The following PLPPR2 variants were observed in gnomAD, a reference collection of about 807,000 sequenced individuals.
PLPPR2 encodes phospholipid phosphatase-related protein type 2.
In PLPPR2, 11 loss-of-function variants were observed where a neutral mutation model predicts 40.3. The observed-to-expected ratio is 0.27, with a 90% CI of 0.17 to 0.45. PLPPR2 has a LOEUF of 0.45. PLPPR2 is among the 20% of genes least tolerant of loss of function. The pLI, the probability that PLPPR2 is intolerant of heterozygous loss-of-function variation, is 1.00. For synonymous variants in PLPPR2, 260 were observed against 290.8 expected (o/e 0.89, Z 1.08); for missense variants, 497 against 640.7 (o/e 0.78, Z 2.42).
rs1314418001 is a variant in PLPPR2 at position 11,363,243 on chromosome 19, C to G, written c.841-470C>G. Reference sequence around the variant, plus strand: ...TTGCAGTGAACTGAGATCGTGCCACCTCACTCCAGCCTGGGTGAAAGAGCG... The same window carrying G: ...TTGCAGTGAACTGAGATCGTGCCACGTCACTCCAGCCTGGGTGAAAGAGCG... On this transcript the variant is annotated intron_variant, in intron 7 of 9. Transcript: ENST00000688289. The surrounding 1 kb of genome is among the most constrained non-coding windows in gnomAD (Gnocchi z 4.8). Among the ~76,000 whole-genome samples, 1 of 150,486 alleles carries G rather than the reference C, an allele frequency of 6.6e-6. No individual in the cohort carries two copies. The highest frequency in any genetic ancestry group is 6.6e-5 in the Admixed American group (1 of 15,048).
At position 11,357,679 on chromosome 19, in the gene PLPPR2, G is replaced by A. The variant is rs749785646; in HGVS notation, c.6G>A (p.Ala2=). 7.5e-6 allele frequency: 12 copies of A among 1,606,394 alleles called. No homozygotes were observed. Among genetic ancestry groups the A allele is most frequent in the Admixed American group, 1.7e-5 (1 of 59,072 alleles). Residue 2 remains alanine, a synonymous_variant, in exon 3 of 10, where the codon GCG becomes GCA. Transcript: ENST00000688289. Reference sequence around the variant, plus strand: ...CTGCAGGCCTGGCCTTCACCATGGCGGGAGGGAGACCGCATCTGAAGAGGA... The same window carrying A: ...CTGCAGGCCTGGCCTTCACCATGGCAGGAGGGAGACCGCATCTGAAGAGGA... M[A]GGRPHLKRSF...
Position 11,364,307 on chromosome 19 carries a change from G to C in PLPPR2, c.1016-40G>C. On this transcript the variant is annotated intron_variant, in intron 9 of 9. Coordinates refer to ENST00000688289, the MANE Select transcript of PLPPR2 (RefSeq NM_001393892.1). The surrounding 1 kb of genome is among the most constrained non-coding windows in gnomAD (Gnocchi z 5.8). ...CACCTAGGCCTTTATGCTGCCTCCC[G>C]AGTTTTCTGATCCCCTGATATCTGG... 1 of 1,523,640 alleles carries C rather than the reference G, an allele frequency of 6.6e-7. No individual in the cohort carries two copies. The highest frequency in any genetic ancestry group is 8.8e-7 in the Non-Finnish European group (1 of 1,135,588). 94.4% of individuals were successfully genotyped at this position (1,523,640 alleles called of 1,614,324 possible). A position where few individuals can be genotyped will look rare whatever the true frequency, so the allele number is the denominator to read the frequency against.
In PLPPR2 at chr19:11,359,737, C is replaced by T; in HGVS notation, c.255+17C>T. The T allele has an allele frequency of 6.3e-7, 1 of 1,580,284 alleles. No homozygotes were observed. Among genetic ancestry groups the T allele is most frequent in the Non-Finnish European group, 8.6e-7 (1 of 1,157,484 alleles). On this transcript the variant is annotated intron_variant, in intron 4 of 9. Transcript: ENST00000688289. This position sits in a 1 kb window ranked among gnomAD's most constrained non-coding sequence, Gnocchi z 5.6. ...ACCCTCACGGTGAGACAATGAAGACCTCCTAGGAGGCAGGTGGGCCGGTAA... is the reference window on the plus strand; with the variant it reads ...ACCCTCACGGTGAGACAATGAAGACTTCCTAGGAGGCAGGTGGGCCGGTAA...
chr19:11,355,953 G>C (rs1008402088), intron 1 of PLPPR2, among the ~76,000 whole-genome samples: 2 of 151,918 alleles, frequency 1.3e-5, no homozygotes, highest in Admixed American at 6.6e-5. Flanking sequence ...GTTTGTGTGT[G>C]TGTGTCTGGC....
At position 11,363,706 on chromosome 19, in the gene PLPPR2, A is replaced by G. The variant is rs1210887161; in HGVS notation, c.841-7A>G. On this transcript the variant is annotated splice_region_variant and splice_polypyrimidine_tract_variant and intron_variant, in intron 7 of 9. Transcript: ENST00000688289. The surrounding 1 kb of genome is among the most constrained non-coding windows in gnomAD (Gnocchi z 4.8). ...GGCCTCAACACTCTCCTCTCCCTCTATTCCAGGTCACCTGCGTTGTGCATA... is the reference window on the plus strand; with the variant it reads ...GGCCTCAACACTCTCCTCTCCCTCTGTTCCAGGTCACCTGCGTTGTGCATA... 4.3e-6 allele frequency: 7 copies of G among 1,611,498 alleles called. No individual in the cohort carries two copies. The highest frequency in any genetic ancestry group is 5.9e-6 in the Non-Finnish European group (7 of 1,178,060).
intron 3 of PLPPR2, among the ~76,000 whole-genome samples, chr19:11,358,033 G>C (rs958525309): frequency 3.6e-3 from 39 of 10,942 alleles, no homozygotes; most frequent in Middle Eastern, 0.036. Context: ...TGTTCTCTGT[G>C]TGTGTGTGTG....
rs1195842835 is a variant in PLPPR2, at chr19:11,361,804, C to A, written c.663+316C>A. Among the ~76,000 whole-genome samples, 1 of 152,116 alleles carries A rather than the reference C, an allele frequency of 6.6e-6. No individual in the cohort carries two copies. The highest frequency in any genetic ancestry group is 1.9e-4 in the East Asian group (1 of 5,176). ...AGTCCCTGATGTGCAAGACTCGGAA[C>A]CCCTATAGCCTAGCCAGGCCCCCAG... On this transcript the variant is annotated intron_variant, in intron 6 of 9. Transcript: ENST00000688289. This position sits in a 1 kb window ranked among gnomAD's most constrained non-coding sequence, Gnocchi z 6.3.
chr19:11,359,755 G>A lies in PLPPR2; in HGVS notation c.255+35G>A. 6.3e-7 allele frequency: 1 copy of A among 1,577,750 alleles called. No individual in the cohort carries two copies. Among genetic ancestry groups the A allele is most frequent in the Non-Finnish European group, 8.7e-7 (1 of 1,155,962 alleles). On this transcript the variant is annotated intron_variant, in intron 4 of 9. Coordinates refer to ENST00000688289, the MANE Select transcript of PLPPR2 (RefSeq NM_001393892.1). The surrounding 1 kb of genome is among the most constrained non-coding windows in gnomAD (Gnocchi z 5.6). Reference sequence around the variant, plus strand: ...TGAAGACCTCCTAGGAGGCAGGTGGGCCGGTAAGGGTGGGTGAGGGGATGG... The same window carrying A: ...TGAAGACCTCCTAGGAGGCAGGTGGACCGGTAAGGGTGGGTGAGGGGATGG...
Position 11,364,632 on chromosome 19 carries a change from C to A in PLPPR2, c.1301C>A (p.Pro434His), listed in dbSNP as rs1019367130. The change falls in exon 10 of 10, where the codon CCC (proline) becomes CAC (histidine). Residue 434 changes from proline to histidine, a missense_variant. Pro to His is a moderately conservative substitution (Grantham distance 77). Transcript: ENST00000688289. This position sits in a 1 kb window ranked among gnomAD's most constrained non-coding sequence, Gnocchi z 5.8. ...ACCCTGAGTGGACTCTATCCCTCCC[C>A]CTTCCACCGGGACAACTTCAGCCCT... ...LYTLSGLYPS[P>H]FHRDNFSPYL... 5 of 1,537,228 alleles carry A rather than the reference C, an allele frequency of 3.3e-6. No homozygotes were observed. The East Asian group carries it at 7.3e-5, about 23-fold the overall frequency.
chr19:11,356,617 G>T (rs1333902847), intron 1 of PLPPR2, among the ~76,000 whole-genome samples, 185 bp from the exon 2 acceptor site: 1 of 151,854 alleles, frequency 6.6e-6, no homozygotes, highest in Non-Finnish European at 1.5e-5. Flanking sequence ...CTGGAAGTCG[G>T]CAGGTGCTCG....
At chr19:11,360,051 G>T in intron 5 of PLPPR2, 95 bp downstream of exon 5, 1 of 1,442,222 alleles carries the variant, frequency 6.9e-7, no homozygotes, top group Non-Finnish European at 9.1e-7. Flanking sequence ...AATAATTCCA[G>T]GCTGGGTGTG....
In PLPPR2 at chr19:11,362,429, A is replaced by G; in HGVS notation, c.664-84A>G. On this transcript the variant is annotated intron_variant, in intron 6 of 9. Transcript: ENST00000688289. This position sits in a 1 kb window ranked among gnomAD's most constrained non-coding sequence, Gnocchi z 5.3. ...TCCCTCCAGCCCCAACGCTCTGGCC[A>G]TGCGCTCTAGCCCAGAAAGGAGCGT... The G allele has an allele frequency of 6.6e-7, 1 of 1,510,250 alleles. No individual in the cohort carries two copies. Among genetic ancestry groups the G allele is most frequent in the Non-Finnish European group, 9.0e-7 (1 of 1,108,764 alleles). The allele number at this position is 1,510,250 out of a possible 1,614,324, so 93.6% of individuals were successfully genotyped here. A position where few individuals can be genotyped will look rare whatever the true frequency, so the allele number is the denominator to read the frequency against.
At position 11,363,866 on chromosome 19, in the gene PLPPR2, G is replaced by T. The variant is rs779543761; in HGVS notation, c.963+31G>T. ...GGGGGCCGGGGGCTGCTCCCGGCTG[G>T]AGAGGGTGGTGGGTGGAGGGGGCCA... On this transcript the variant is annotated intron_variant, in intron 8 of 9. Coordinates refer to ENST00000688289, the MANE Select transcript of PLPPR2 (RefSeq NM_001393892.1). The surrounding 1 kb of genome is among the most constrained non-coding windows in gnomAD (Gnocchi z 4.8). The T allele has an allele frequency of 3.7e-6, 6 of 1,604,742 alleles. No individual in the cohort carries two copies. The highest frequency in any genetic ancestry group is 5.1e-6 in the Non-Finnish European group (6 of 1,174,786).
rs1182591190 is a variant in PLPPR2, at chr19:11,362,896, T to C, written c.840+207T>C. On this transcript the variant is annotated intron_variant, in intron 7 of 9. Transcript: ENST00000688289. This position sits in a 1 kb window ranked among gnomAD's most constrained non-coding sequence, Gnocchi z 5.3. Reference sequence around the variant, plus strand: ...GCCTTGAATGCAAATTTTAAGAGGGTGCCCAACACTCAGTAATCAAGATTA... The same window carrying C: ...GCCTTGAATGCAAATTTTAAGAGGGCGCCCAACACTCAGTAATCAAGATTA... Among the ~76,000 whole-genome samples, 1 of 152,216 alleles carries C rather than the reference T, an allele frequency of 6.6e-6. No individual in the cohort carries two copies. Among genetic ancestry groups the C allele is most frequent in the Non-Finnish European group, 1.5e-5 (1 of 68,030 alleles).
At chr19:11,360,849 G>C (rs375232227) in intron 5 of PLPPR2, among the ~76,000 whole-genome samples, 2 of 152,012 alleles carry the variant, frequency 1.3e-5, no homozygotes, top group East Asian at 3.9e-4. Context: ...CAGTTTAGGG[G>C]CAGGCAGGAA....
chr19:11,356,010 T>C (rs1190390050), intron 1 of PLPPR2, among the ~76,000 whole-genome samples: 1 of 151,906 alleles, frequency 6.6e-6, no homozygotes, highest in Admixed American at 6.6e-5. Flanking sequence ...TGTCTCTGTG[T>C]GTGACTGTCT....
rs1599409578 is a variant in PLPPR2, at chr19:11,364,546, C to T, written c.1215C>T (p.Gly405=). 2.6e-6 allele frequency: 4 copies of T among 1,536,236 alleles called. No homozygotes were observed. The highest frequency in any genetic ancestry group is 3.5e-6 in the Non-Finnish European group (4 of 1,146,396). The stretch of plus-strand genomic sequence containing the variant: ...CCTCCCCTGGACCTGGGGGGCCAGG[C>T]GGGGGTGGTGGACGTGGCCGGAAGC... The part of the protein sequence containing the change: ...SPSSPGPGGP[G]GGGGRGRKLL... Residue 405 remains glycine, a synonymous_variant, in exon 10 of 10, where the codon GGC becomes GGT. Transcript: ENST00000688289. The surrounding 1 kb of genome is among the most constrained non-coding windows in gnomAD (Gnocchi z 5.8).
In PLPPR2 at chr19:11,361,598, G is replaced by A; in HGVS notation, c.663+110G>A. The A allele has an allele frequency of 7.0e-7, 1 of 1,434,814 alleles. No homozygotes were observed. Among genetic ancestry groups the A allele is most frequent in the Non-Finnish European group, 9.3e-7 (1 of 1,078,876 alleles). 88.9% of individuals were successfully genotyped at this position (1,434,814 alleles called of 1,614,324 possible). On this transcript the variant is annotated intron_variant, in intron 6 of 9. Coordinates refer to ENST00000688289, the MANE Select transcript of PLPPR2 (RefSeq NM_001393892.1). This position sits in a 1 kb window ranked among gnomAD's most constrained non-coding sequence, Gnocchi z 6.3. ...TCTGCTCTTCCACGCCCCGGGTGCTGTTGGAAGCTCTCGCTCCACGCCCCG... is the reference window on the plus strand; with the variant it reads ...TCTGCTCTTCCACGCCCCGGGTGCTATTGGAAGCTCTCGCTCCACGCCCCG...
rs565169595 is a variant in PLPPR2, at chr19:11,363,030, A to G, written c.840+341A>G. Among the ~76,000 whole-genome samples the G allele has an allele frequency of 6.6e-6, 1 of 152,306 alleles. No individual in the cohort carries two copies. The highest frequency in any genetic ancestry group is 2.1e-4 in the South Asian group (1 of 4,830). On this transcript the variant is annotated intron_variant, in intron 7 of 9. Transcript: ENST00000688289. This position sits in a 1 kb window ranked among gnomAD's most constrained non-coding sequence, Gnocchi z 4.8. ...GAATCAAGGCTGGGTGCGGTGGCTCACGCCTGTAATCCCAGCACTTTGGGA... is the reference window on the plus strand; with the variant it reads ...GAATCAAGGCTGGGTGCGGTGGCTCGCGCCTGTAATCCCAGCACTTTGGGA...
Sources: gnomAD v4.1 joint callset for allele counts (sites outside exome capture counted in the v4.1 genomes callset) on GRCh38, gnomAD v4.1.1 for gene constraint, Gnocchi (gnomAD v3.1) non-coding constraint, MANE v1.5 for transcripts, NCBI Gene and HGNC (gene_info 2026-07-23, HGNC 2026-07-21) for gene names.